The following ABI3BP variants were observed in gnomAD, a reference collection of about 807,000 sequenced individuals.
ABI3BP encodes the protein ABI family member 3 binding protein.
Under a neutral mutation model 268.6 loss-of-function variants are expected in ABI3BP, and 216 were observed. That is an observed-to-expected ratio of 0.80 (90% confidence interval 0.72 to 0.90). The LOEUF (loss-of-function observed/expected upper bound fraction) is 0.90. Ranked by LOEUF, ABI3BP falls within the 40% of genes least tolerant of loss-of-function variation. The probability of loss-of-function intolerance (pLI) is 0.00; values close to 1 mark genes in which losing one functional copy is unlikely to be tolerated. For synonymous variants in ABI3BP, 730 were observed against 730.0 expected (o/e 1.00, Z 0.00); for missense variants, 2,090 against 2,182.4 (o/e 0.96, Z 0.84).
At chr3:100,860,802 A>T (rs2098989589) in intron 14 of ABI3BP, among the ~76,000 whole-genome samples, 1 of 152,228 alleles carries the variant, frequency 6.6e-6, no homozygotes, top group Non-Finnish European at 1.5e-5. Context: ...AAGCTAAAAG[A>T]TGAAAGGGAT....
At chr3:100,786,067 G>C (rs540566747) in intron 57 of ABI3BP, among the ~76,000 whole-genome samples, 1 of 152,280 alleles carries the variant, frequency 6.6e-6, no homozygotes, top group South Asian at 2.1e-4. Context: ...TCTGGTTGAA[G>C]CTTACTCTGA....
intron 1 of ABI3BP, among the ~76,000 whole-genome samples, chr3:100,990,169 A>G (rs889587016): frequency 3.3e-5 from 5 of 152,110 alleles, no homozygotes; most frequent in African/African-American, 1.2e-4. Context: ...CTTACAAGAG[A>G]TTTGTCTTAC....
intron 2 of ABI3BP, among the ~76,000 whole-genome samples, chr3:100,920,412 G>A (rs1311219958): frequency 6.6e-6 from 1 of 151,946 alleles, no homozygotes; most frequent in Non-Finnish European, 1.5e-5. Flanking sequence ...GTCTATATTA[G>A]CTTCTTTTTT....
chr3:100,787,821 T>C lies in ABI3BP; in HGVS notation c.4088-19A>G, dbSNP rs1278240634. On this transcript the variant is annotated intron_variant, in intron 56 of 67. Transcript: ENST00000471714. ...TTCAGAACTAAAATAAAGTGGGATA[T>C]AAATAGTTCATTTTCTTATTGAAAG... is the stretch of plus-strand genomic sequence containing the variant. 3.4e-6 allele frequency: 5 copies of C among 1,466,450 alleles called. No individual in the cohort carries two copies. The highest frequency in any genetic ancestry group is 4.5e-6 in the Non-Finnish European group (5 of 1,110,232). The allele number at this position is 1,466,450 out of a possible 1,614,324, so 90.8% of individuals were successfully genotyped here.
intron 51 of ABI3BP, among the ~76,000 whole-genome samples, chr3:100,801,887 ATTG>A (rs899516507): frequency 6.6e-6 from 1 of 152,200 alleles, no homozygotes; most frequent in Non-Finnish European, 1.5e-5. Flanking sequence ...AATGGAAATA[ATTG>A]TTAACTATTG....
rs148278799 is a variant in ABI3BP, at chr3:100,946,608, G to C, written c.80-20127C>G. Among the ~76,000 whole-genome samples the C allele has an allele frequency of 8.9e-3, 1,352 of 151,896 alleles. 16 individuals are homozygous for C. Among genetic ancestry groups the C allele is most frequent in the African/African-American group, 0.03 (1,262 of 41,416 alleles). ...GTTTGAGACCAGCCTGACCAACATG[G>C]AGAAACCCTATCTCTACTAAAAATA... On this transcript the variant is annotated intron_variant, in intron 1 of 67. Transcript: ENST00000471714.
intron 1 of ABI3BP, chr3:100,945,719 T>C (rs1006374544): frequency 3.4e-5 from 14 of 415,460 alleles, no homozygotes; most frequent in Admixed American, 2.6e-4. Context: ...ATTTATTCAA[T>C]CCAAATATTC....
chr3:100,823,620 A>C, intron 36 of ABI3BP, 106 bp from the exon 37 acceptor site: 1 of 617,166 alleles, frequency 1.6e-6, no homozygotes, highest in Non-Finnish European at 2.3e-6. Flanking sequence ...CCAGAGAAAC[A>C]AAAAAAAAAT....
chr3:100,763,696 G>T (rs1366402566), intron 63 of ABI3BP, among the ~76,000 whole-genome samples: 1 of 152,124 alleles, frequency 6.6e-6, no homozygotes, highest in Admixed American at 6.5e-5. Context: ...ACAACCAGAA[G>T]CTACATGTGA....
At chr3:100,885,158 T>G (rs745582617) in intron 6 of ABI3BP, among the ~76,000 whole-genome samples, 1 of 152,070 alleles carries the variant, frequency 6.6e-6, no homozygotes, top group African/African-American at 2.4e-5. Flanking sequence ...AAGTAGGGTA[T>G]GATAGAAAAT....
intron 62 of ABI3BP, among the ~76,000 whole-genome samples, chr3:100,768,177 C>T (rs2096383844): frequency 6.6e-6 from 1 of 151,650 alleles, no homozygotes; most frequent in African/African-American, 2.4e-5. Flanking sequence ...CAAGCTCCGC[C>T]TCCTGGGTTC....
At chr3:100,788,217 A>T (rs534070729) in intron 56 of ABI3BP, among the ~76,000 whole-genome samples, 3 of 152,286 alleles carry the variant, frequency 2.0e-5, no homozygotes, top group African/African-American at 7.2e-5. Flanking sequence ...GTCTTTCCAC[A>T]TCCTTTTGTG....
In ABI3BP at chr3:100,886,255, G is replaced by C; in HGVS notation, c.530C>G (p.Thr177Ser). The C allele has an allele frequency of 1.2e-6, 2 of 1,610,658 alleles. No homozygotes were observed. Among genetic ancestry groups the C allele is most frequent in the Non-Finnish European group, 1.7e-6 (2 of 1,178,116 alleles). The change falls in exon 5 of 68, where the codon ACT becomes AGT. Residue 177 changes from threonine to serine, a missense_variant. Physicochemically the swap from Thr to Ser is moderately conservative, Grantham distance 58 (BLOSUM62 1). Transcript: ENST00000471714. ...KKWIFQICPATETIVENLKPN... is the reference protein window; with the variant it reads ...KKWIFQICPASETIVENLKPN... ...CTTTAGGTTTTCCACAATTGTTTCA[G>C]TGGCTGGACAGATTTGAAAAATCCA...
intron 63 of ABI3BP, among the ~76,000 whole-genome samples, chr3:100,757,893 ATTTAAT>A (rs1346129957): frequency 4.6e-5 from 7 of 152,312 alleles, no homozygotes; most frequent in African/African-American, 1.7e-4. Flanking sequence ...TTTTGTGATA[ATTTAAT>A]TTTAAAACTG....
In ABI3BP at chr3:100,842,056, T is replaced by C; in HGVS notation, c.1724-17A>G. On this transcript the variant is annotated splice_polypyrimidine_tract_variant and intron_variant, in intron 20 of 67. Transcript: ENST00000471714. ...GTTCTGGGGCTGTAATAAAAGCAAG[T>C]AATATCAAAAGCAATGCTGAAGAGC... 1 of 1,530,818 alleles carries C rather than the reference T, an allele frequency of 6.5e-7. No homozygotes were observed. The highest frequency in any genetic ancestry group is 2.0e-5 in the Admixed American group (1 of 50,970). The allele number at this position is 1,530,818 out of a possible 1,614,324, so 94.8% of individuals were successfully genotyped here. A position where few individuals can be genotyped will look rare whatever the true frequency, so the allele number is the denominator to read the frequency against.
intron 41 of ABI3BP, among the ~76,000 whole-genome samples, chr3:100,818,249 A>C (rs1390344654): frequency 6.6e-6 from 1 of 152,214 alleles, no homozygotes; most frequent in Non-Finnish European, 1.5e-5. Flanking sequence ...CTTGAAATGC[A>C]GCTTAAAATG....
chr3:100,896,286 G>T (rs530331986), intron 4 of ABI3BP, among the ~76,000 whole-genome samples: 1 of 152,228 alleles, frequency 6.6e-6, no homozygotes, highest in South Asian at 2.1e-4. Flanking sequence ...AGAGTCAACA[G>T]CCTGGGTTAG....
intron 3 of ABI3BP, among the ~76,000 whole-genome samples, chr3:100,899,784 G>A (rs2049356881): frequency 6.6e-6 from 1 of 152,222 alleles, no homozygotes; most frequent in Non-Finnish European, 1.5e-5. Flanking sequence ...TACATACTCT[G>A]TATTGCTGTT....
Position 100,789,297 on chromosome 3 carries a change from A to G in ABI3BP, c.4087+157T>C, listed in dbSNP as rs577206636. Reference sequence around the variant, plus strand: ...TAGTCAAGTCTTGTCACATTTATGGATTCATCAATACCTTTCCACTTATCC... The same window carrying G: ...TAGTCAAGTCTTGTCACATTTATGGGTTCATCAATACCTTTCCACTTATCC... On this transcript the variant is annotated intron_variant, in intron 56 of 67. Transcript: ENST00000471714. Among the ~76,000 whole-genome samples, 7 of 152,190 alleles carry G rather than the reference A, an allele frequency of 4.6e-5. No individual in the cohort carries two copies. The South Asian group carries it at 1.2e-3, about 27-fold the overall frequency.
Sources: gnomAD v4.1 joint callset for allele counts (sites outside exome capture counted in the v4.1 genomes callset) on GRCh38, gnomAD v4.1.1 for gene constraint, MANE v1.5 for transcripts, NCBI Gene and HGNC (gene_info 2026-07-23, HGNC 2026-07-21) for gene names.